The following TTN variants were observed in gnomAD, a reference collection of about 807,000 sequenced individuals.
TTN encodes the protein titin, also known as connectin.
Under a neutral mutation model 3,223.0 loss-of-function variants are expected in TTN, and 1,525 were observed. The ratio of observed to expected loss-of-function variants is 0.47; its 90% CI spans 0.45 to 0.49. TTN has a LOEUF of 0.49. TTN is among the 20% of genes least tolerant of loss of function. The probability of loss-of-function intolerance (pLI) is 0.00; values close to 1 mark genes in which losing one functional copy is unlikely to be tolerated. For missense variants in TTN, 40,786 were observed against 43,424.0 expected (o/e 0.94, Z 5.40); for synonymous variants, 14,094 against 15,161.0 (o/e 0.93, Z 5.17).
In TTN at chr2:178,551,773, G is replaced by A. The variant is rs1380978634; in HGVS notation, c.91127C>T (p.Thr30376Ile). Reference sequence around the variant, plus strand: ...ATATTCTCTTCCAGAGATTGGTGATGTATTAACTTTTTGCCAGAGGATGCT... The same window carrying A: ...ATATTCTCTTCCAGAGATTGGTGATATATTAACTTTTTGCCAGAGGATGCT... ...RNSILWQKVNTSPISGREYRA... is the reference protein window; with the variant it reads ...RNSILWQKVNISPISGREYRA... Residue 30376 changes from threonine (T) to isoleucine (I), a missense_variant, in exon 335 of 363, where the codon ACA becomes ATA. Thr to Ile is a moderately conservative substitution (Grantham distance 89). Transcript: ENST00000589042. The A allele has an allele frequency of 2.5e-6, 4 of 1,613,838 alleles. No homozygotes were observed. Among genetic ancestry groups the A allele is most frequent in the East Asian group, 2.2e-5 (1 of 44,864 alleles).
Position 178,553,824 on chromosome 2 carries a change from CAATAA to C in TTN, c.89198-22_89198-18del, listed in dbSNP as rs764521837. ...CTGGAGGATCTGGAATGGCCATTCA[CAATAA>C]AATAATTACACAATCATGTACAATT... On this transcript the variant is annotated intron_variant, in intron 333 of 362. Coordinates refer to ENST00000589042, the MANE Select transcript of TTN (RefSeq NM_001267550.2). The C allele has an allele frequency of 9.6e-6, 15 of 1,569,156 alleles. No individual in the cohort carries two copies. The highest frequency in any genetic ancestry group is 1.1e-5 in the Non-Finnish European group (13 of 1,158,806).
chr2:178,778,414 A>ATG, intron 24 of TTN: 1 of 247,218 alleles, frequency 4.0e-6, no homozygotes, highest in South Asian at 5.5e-5. Flanking sequence ...TGAATTTGGA[A>ATG]ACAAAACAAA....
intron 259 of TTN, 110 bp downstream of exon 259, chr2:178,615,197 G>T: frequency 7.6e-7 from 1 of 1,317,558 alleles, no homozygotes. Context: ...AGATACACCG[G>T]CAGCATAGGA....
chr2:178,698,803 G>T (rs1348988062), intron 112 of TTN, 40 bp downstream of exon 112: 3 of 1,522,140 alleles, frequency 2.0e-6, no homozygotes, highest in Middle Eastern at 1.7e-4. Flanking sequence ...TTTTGGCCAA[G>T]AAAAAAGTGT....
At chr2:178,686,306 G>C (rs1329134867) in intron 127 of TTN, among the ~76,000 whole-genome samples, 3 of 150,136 alleles carry the variant, frequency 2.0e-5, no homozygotes, top group Non-Finnish European at 4.4e-5. Context: ...ATTTTTAGTA[G>C]AGACGGGGTT....
intron 343 of TTN, 29 bp from the exon 344 acceptor site, chr2:178,545,722 T>G: frequency 6.2e-7 from 1 of 1,603,878 alleles, no homozygotes; most frequent in Non-Finnish European, 8.5e-7. Context: ...ATGATGAGAA[T>G]TGCACAAAAT....
In TTN at chr2:178,723,661, C is replaced by T; in HGVS notation, c.21439G>A (p.Glu7147Lys). Residue 7147 changes from glutamate to lysine, a missense_variant, in exon 74 of 363, where the codon GAA (glutamate) becomes AAA (lysine). Transcript: ENST00000589042. ...GTTACATTTTTGCCTGGTAGTACTT[C>T]CAAAGGTTCAGGTTCTTTCACAAAA... ...PSFVKEPEPL[E>K]VLPGKNVTFT... 1.2e-6 allele frequency: 2 copies of T among 1,603,852 alleles called. No individual in the cohort carries two copies. The highest frequency in any genetic ancestry group is 8.5e-7 in the Non-Finnish European group (1 of 1,175,372).
Position 178,589,052 on chromosome 2 carries a change from A to G in TTN, c.62673T>C (p.Asp20891=), listed in dbSNP as rs374354363. 1.7e-5 allele frequency: 28 copies of G among 1,609,316 alleles called. No homozygotes were observed. The highest frequency in any genetic ancestry group is 6.7e-5 in the Admixed American group (4 of 59,922). The change falls in exon 304 of 363, where the codon GAT becomes GAC. Residue 20891 remains aspartate (D), a synonymous_variant. Coordinates refer to ENST00000589042, the MANE Select transcript of TTN (RefSeq NM_001267550.2). ...TATAATTTTGGATTTCACAGCCACC[A>G]TCATCTTCTGGTGGATCCCAGCAAA... ...CTVCWDPPED[D]GGCEIQNYIL...
intron 140 of TTN, 62 bp downstream of exon 140, chr2:178,679,832 A>AAATC: frequency 6.3e-7 from 1 of 1,594,644 alleles, no homozygotes; most frequent in East Asian, 2.2e-5. Context: ...GAATCTGACC[A>AAATC]AATCAGACCC....
Position 178,576,310 on chromosome 2 carries a change from G to A in TTN, c.69822C>T (p.Gly23274=), listed in dbSNP as rs757102551. ...CTACTTTTTGATGCTCCACGACATA[G>A]CCAGTGATTTCAAGTCCACCATCAT... is the stretch of plus-strand genomic sequence containing the variant. ...PHYDGGLEIT[G]YVVEHQKVGD... is the part of the protein sequence containing the mutation. The change falls in exon 326 of 363, where the codon GGC becomes GGT. Residue 23274 remains glycine (G), a synonymous_variant. Transcript: ENST00000589042. This position sits in a 1 kb window ranked among gnomAD's most constrained non-coding sequence, Gnocchi z 4.3. The A allele has an allele frequency of 6.3e-7, 1 of 1,576,978 alleles. No individual in the cohort carries two copies. The highest frequency in any genetic ancestry group is 1.9e-5 in the Admixed American group (1 of 52,948).
rs746370297 is a variant in TTN, at chr2:178,537,463, A to C, written c.99744T>G (p.Thr33248=). ...QNSENITIEN[T]EHYTHLVMKN... The stretch of plus-strand genomic sequence containing the variant: ...TCATGACAAGATGAGTATAGTGCTC[A>C]GTGTTTTCAATAGTAATGTTTTCTG... Residue 33248 remains threonine, a synonymous_variant, in exon 355 of 363, where the codon ACT becomes ACG. Transcript: ENST00000589042. 4 of 1,613,504 alleles carry C rather than the reference A, an allele frequency of 2.5e-6. No homozygotes were observed. The highest frequency in any genetic ancestry group is 2.5e-6 in the Non-Finnish European group (3 of 1,179,678).
Position 178,560,206 on chromosome 2 carries a change from T to G in TTN, c.85926A>C (p.Leu28642Phe). The change falls in exon 326 of 363, where the codon TTA (leucine) becomes TTC (phenylalanine). Residue 28642 changes from leucine (L) to phenylalanine (F), a missense_variant. Transcript: ENST00000589042. ...GGAACACTGGATCTTCTGCCCTAAT[T>G]AAGGGAGAGGTTTCACTTGGAAGAC... ...GLSLPSETSP[L>F]IRAEDPVFLP... 6.2e-7 allele frequency: 1 copy of G among 1,613,712 alleles called. No homozygotes were observed. The highest frequency in any genetic ancestry group is 8.5e-7 in the Non-Finnish European group (1 of 1,179,758).
intron 11 of TTN, 146 bp from the exon 12 acceptor site, chr2:178,790,261 T>C (rs564569781): frequency 2.1e-5 from 18 of 869,542 alleles, no homozygotes; most frequent in Middle Eastern, 3.6e-4. Context: ...TTGAGTTACT[T>C]TGATCATCCA....
rs2065814161 is a variant in TTN, at chr2:178,665,707, C to G, written c.35959+1G>C. ...GGAAGGAATGGCAGGATGAACGATACCTTTAGTGGGAGGTATTTCAATTTC... is the reference window on the plus strand; with the variant it reads ...GGAAGGAATGGCAGGATGAACGATAGCTTTAGTGGGAGGTATTTCAATTTC... On this transcript the variant is annotated splice_donor_variant, in intron 164 of 362. Transcript: ENST00000589042. LOFTEE classifies it high-confidence loss of function. 2 of 1,335,280 alleles carry G rather than the reference C, an allele frequency of 1.5e-6. No individual in the cohort carries two copies. Among genetic ancestry groups the G allele is most frequent in the East Asian group, 2.7e-5 (1 of 37,280 alleles). 82.7% of individuals were successfully genotyped at this position (1,335,280 alleles called of 1,614,324 possible).
intron 9 of TTN, among the ~76,000 whole-genome samples, chr2:178,792,862 C>A (rs756680058): frequency 1.2e-4 from 18 of 152,194 alleles, no homozygotes; most frequent in Non-Finnish European, 2.4e-4. Context: ...AAGAGCTCTA[C>A]TAACTGGCAT....
chr2:178,667,456 GT>G lies in TTN; in HGVS notation c.35698del (p.Thr11900HisfsTer70). The G allele has an allele frequency of 6.2e-7, 1 of 1,601,308 alleles. No individual in the cohort carries two copies. Among genetic ancestry groups the G allele is most frequent in the Non-Finnish European group, 8.5e-7 (1 of 1,177,216 alleles). The stretch of plus-strand genomic sequence containing the variant: ...TTGAAATATACCTTTAGTTGCTGGT[GT>G]TTCTCTCTTTTTAGGAATAGTCACA... ...IYVTIPKKRE[T>X]PATKEPDTTR... On this transcript the variant is annotated frameshift_variant, in exon 161 of 363. Transcript: ENST00000589042. LOFTEE classifies it high-confidence loss of function.
intron 349 of TTN, 51 bp downstream of exon 349, chr2:178,542,213 A>C: frequency 6.6e-7 from 1 of 1,518,160 alleles, no homozygotes; most frequent in Non-Finnish European, 8.9e-7. Context: ...CTTTTTTGTT[A>C]ACATTCAGAA....
intron 10 of TTN, among the ~76,000 whole-genome samples, chr2:178,791,289 C>G (rs1441628147): frequency 6.6e-6 from 1 of 152,200 alleles, no homozygotes; most frequent in African/African-American, 2.4e-5. Flanking sequence ...AGCCTCTGGT[C>G]AGCCTTTTAA....
chr2:178,556,418 G>A (rs1334496444), intron 330 of TTN: 5 of 213,124 alleles, frequency 2.3e-5, no homozygotes, highest in Non-Finnish European at 4.5e-5. Flanking sequence ...GCGACAGAGT[G>A]AGACTCTGTC....
Sources: allele counts gnomAD v4.1 joint callset (sites outside exome capture counted in the v4.1 genomes callset), GRCh38; gene constraint gnomAD v4.1.1; non-coding constraint Gnocchi (gnomAD v3.1); transcripts MANE v1.5; gene names NCBI Gene and HGNC (gene_info 2026-07-23, HGNC 2026-07-21).